POLA1: variants seen among roughly 807,000 people sequenced by gnomAD.
POLA1 encodes the protein DNA polymerase alpha catalytic subunit.
POLA1 carries 15 observed loss-of-function variants against 124.0 expected under a neutral mutation model. The ratio of observed to expected loss-of-function variants is 0.12; its 90% CI spans 0.08 to 0.19. The LOEUF is 0.19. Among genes scored for constraint, POLA1 ranks in the 10% least tolerant of loss-of-function variants. The probability of loss-of-function intolerance (pLI) is 1.00; values close to 1 mark genes in which losing one functional copy is unlikely to be tolerated. For synonymous variants in POLA1, 408 were observed against 389.4 expected (o/e 1.05, Z -0.56); for missense variants, 886 against 1,103.4 (o/e 0.80, Z 2.79).
intron 4 of POLA1, among the ~76,000 whole-genome samples, chrX:24,712,604 T>C (rs1459059243): frequency 1.8e-5 from 2 of 112,191 alleles, no homozygotes; most frequent in Non-Finnish European, 3.8e-5. Flanking sequence ...TCTTGGTTTT[T>C]CTTTTTACAC....
chrX:24,995,100 A>G (rs1018236511), intron 36 of POLA1, among the ~76,000 whole-genome samples: 2 of 111,017 alleles, frequency 1.8e-5, no homozygotes, highest in Admixed American at 1.9e-4. Flanking sequence ...TAGAAGTAGC[A>G]GGCTCTGGGA....
chrX:24,922,607 C>G (rs1176186870), intron 35 of POLA1, among the ~76,000 whole-genome samples: 1 of 111,152 alleles, frequency 9.0e-6, no homozygotes, highest in African/African-American at 3.3e-5. Flanking sequence ...AATGAAGAAG[C>G]CCCTGAGGCC....
chrX:24,880,492 T>C (rs748576556), intron 34 of POLA1, among the ~76,000 whole-genome samples: 6 of 111,995 alleles, frequency 5.4e-5, no homozygotes, highest in Admixed American at 1.9e-4. Context: ...TTCTGGGACT[T>C]AATAATCACT....
chrX:24,931,493 A>G (rs2047778933), intron 36 of POLA1, among the ~76,000 whole-genome samples: 1 of 111,943 alleles, frequency 8.9e-6, no homozygotes, highest in Admixed American at 9.5e-5. Context: ...GCTAGAAATT[A>G]TTTTTTAAAT....
intron 26 of POLA1, among the ~76,000 whole-genome samples, chrX:24,774,436 A>G (rs1168964187): frequency 8.9e-6 from 1 of 112,192 alleles, no homozygotes; most frequent in Non-Finnish European, 1.9e-5. Flanking sequence ...TAAAAAAACA[A>G]GCAACAGTTT....
intron 36 of POLA1, among the ~76,000 whole-genome samples, chrX:24,981,412 CA>C (rs1350457055): frequency 1.2e-4 from 13 of 112,303 alleles, no homozygotes; most frequent in Non-Finnish European, 1.9e-5. Context: ...ATTTTGCCAT[CA>C]AACCAAATTT....
At chrX:24,723,428 C>T (rs748282789) in intron 11 of POLA1, among the ~76,000 whole-genome samples, 161 bp downstream of exon 11, 1 of 111,888 alleles carries the variant, frequency 8.9e-6, no homozygotes, top group Non-Finnish European at 1.9e-5. Flanking sequence ...GTCAGCAATT[C>T]TATTAGAGGT....
At chrX:24,793,386 G>T (rs2045547015) in intron 26 of POLA1, among the ~76,000 whole-genome samples, 1 of 108,182 alleles carries the variant, frequency 9.2e-6, no homozygotes, top group Non-Finnish European at 1.9e-5. Flanking sequence ...TTTCAAAACT[G>T]CTTTTTTTGT....
intron 32 of POLA1, among the ~76,000 whole-genome samples, chrX:24,826,900 G>A (rs994403404): frequency 5.4e-5 from 6 of 111,772 alleles, no homozygotes; most frequent in African/African-American, 1.3e-4. Context: ...TACAGTCACC[G>A]AGTTTACATT....
chrX:24,739,808 T>G (rs1378199666), intron 20 of POLA1, among the ~76,000 whole-genome samples: 1 of 112,385 alleles, frequency 8.9e-6, no homozygotes, highest in Non-Finnish European at 1.9e-5. Context: ...TACTCTTAAT[T>G]CATTTATTCA....
At position 24,989,790 on chromosome X, in the gene POLA1, G is replaced by A. The variant is rs752540405; in HGVS notation, c.4262-6015G>A. ...GGTGATGAACATGTTTTCTGCTGGG[G>A]TAGTAACTCAGAACTCTAGGCCTTT... On this transcript the variant is annotated intron_variant, in intron 36 of 36. Transcript: ENST00000379068. 9.0e-5 allele frequency among the ~76,000 whole-genome samples: 10 copies of A among 111,468 alleles called. No individual in the cohort carries two copies. The Admixed American group carries it at 9.5e-4, about 11-fold the overall frequency.
At chrX:24,853,872 C>T (rs1334493827) in intron 34 of POLA1, among the ~76,000 whole-genome samples, 1 of 112,224 alleles carries the variant, frequency 8.9e-6, no homozygotes, top group African/African-American at 3.2e-5. Context: ...GAAACAAATA[C>T]TGTACTTCAA....
intron 36 of POLA1, among the ~76,000 whole-genome samples, chrX:24,947,156 T>TCAAATGAGG (rs1247693151): frequency 1.9e-5 from 2 of 107,832 alleles, no homozygotes; most frequent in African/African-American, 3.3e-5. Flanking sequence ...AAATCATACT[T>TCAAATGAGG]CAAATGAGGA....
At chrX:24,844,726 T>C (rs1000384181) in intron 34 of POLA1, among the ~76,000 whole-genome samples, 3 of 111,976 alleles carry the variant, frequency 2.7e-5, no homozygotes, top group African/African-American at 9.7e-5. Flanking sequence ...TAAAAAATAA[T>C]AATTATGACT....
At chrX:24,703,705 A>T (rs1446685994) in intron 3 of POLA1, among the ~76,000 whole-genome samples, 1 of 112,232 alleles carries the variant, frequency 8.9e-6, no homozygotes, top group East Asian at 2.8e-4. Context: ...CTACTTTCCA[A>T]TTCTATGACC....
At chrX:24,954,634 G>A (rs1367045827) in intron 36 of POLA1, among the ~76,000 whole-genome samples, 3 of 112,298 alleles carry the variant, frequency 2.7e-5, no homozygotes, top group African/African-American at 9.7e-5. Flanking sequence ...TTTATGGTAG[G>A]TGTTTCTCAG....
At chrX:24,745,678 T>C (rs911393438) in intron 24 of POLA1, 136 bp downstream of exon 24, 81 of 404,061 alleles carry the variant, frequency 2.0e-4, no homozygotes, top group Admixed American at 1.2e-3. Context: ...AAGTGTGTAG[T>C]TCAGTGGCTT....
intron 35 of POLA1, among the ~76,000 whole-genome samples, chrX:24,891,054 A>G (rs1473660549): frequency 8.9e-6 from 1 of 112,592 alleles, no homozygotes; most frequent in Admixed American, 9.4e-5. Flanking sequence ...AGAGAAGGTA[A>G]AAGGTTAGTC....
chrX:24,899,171 T>TA (rs1360573566), intron 35 of POLA1, among the ~76,000 whole-genome samples: 6 of 112,124 alleles, frequency 5.4e-5, no homozygotes, highest in Non-Finnish European at 5.6e-5. Flanking sequence ...ATTGCCACAT[T>TA]AATGCTGCTA....
Sources: gnomAD v4.1 joint callset for allele counts (sites outside exome capture counted in the v4.1 genomes callset) on GRCh38, gnomAD v4.1.1 for gene constraint, MANE v1.5 for transcripts, NCBI Gene and HGNC (gene_info 2026-07-23, HGNC 2026-07-21) for gene names.